Variants in MTNR1B observed in about 807,000 individuals in gnomAD.
MTNR1B encodes melatonin receptor type 1B.
MTNR1B carries 7 observed loss-of-function variants against 7.0 expected under a neutral mutation model. That is an observed-to-expected ratio of 1.00 (90% confidence interval 0.57 to 1.88). The LOEUF is 1.88. Among genes scored for constraint, MTNR1B ranks in the 40% most tolerant of loss-of-function variants. The probability of loss-of-function intolerance (pLI) is 0.00; values close to 1 mark genes in which losing one functional copy is unlikely to be tolerated. For missense variants in MTNR1B, 478 were observed against 486.5 expected (o/e 0.98, Z 0.16); for synonymous variants, 226 against 208.2 (o/e 1.09, Z -0.74).
intron 1 of MTNR1B, among the ~76,000 whole-genome samples, chr11:92,979,833 G>A (rs765333571): frequency 2.0e-5 from 3 of 152,122 alleles, no homozygotes; most frequent in Non-Finnish European, 4.4e-5. Flanking sequence ...ATCCCCATTC[G>A]GACCATGCTA....
chr11:92,971,794 T>A (rs1437270834), intron 1 of MTNR1B, among the ~76,000 whole-genome samples: 3 of 152,172 alleles, frequency 2.0e-5, no homozygotes. Flanking sequence ...TCTGTGATCC[T>A]GGCAGGGTCT....
chr11:92,981,096 G>A (rs572154112), intron 1 of MTNR1B, among the ~76,000 whole-genome samples: 1 of 152,270 alleles, frequency 6.6e-6, no homozygotes, highest in South Asian at 2.1e-4. Flanking sequence ...AGCTTAAATG[G>A]TGCAAAGCCC....
chr11:92,970,109 G>C (rs538347580), intron 1 of MTNR1B, among the ~76,000 whole-genome samples, 161 bp downstream of exon 1: 4 of 152,336 alleles, frequency 2.6e-5, no homozygotes, highest in African/African-American at 7.2e-5. Context: ...GCACTCAAAA[G>C]TTAGGGTGAG....
rs370131617 is a variant in MTNR1B at position 92,981,599 on chromosome 11, G to A, written c.376G>A (p.Gly126Ser). Residue 126 changes from glycine (G) to serine (S), a missense_variant, in exon 2 of 2, where the codon GGC becomes AGC. Gly to Ser is a moderately conservative substitution (Grantham distance 56). Transcript: ENST00000257068. ...CTTTGTGATGGGCCTGAGCGTCATC[G>A]GCTCTGTCTTCAATATCACTGCCAT... ...SAFVMGLSVI[G>S]SVFNITAIAI... 1.2e-5 allele frequency: 19 copies of A among 1,614,104 alleles called. No individual in the cohort carries two copies. The highest frequency in any genetic ancestry group is 4.0e-5 in the African/African-American group (3 of 74,994).
chr11:92,977,586 C>T (rs1182252412), intron 1 of MTNR1B, among the ~76,000 whole-genome samples: 1 of 152,142 alleles, frequency 6.6e-6, no homozygotes, highest in African/African-American at 2.4e-5. Flanking sequence ...TCGTGCCTGA[C>T]CAACCCCATA....
chr11:92,983,744 G>A (rs1321703652), downstream of MTNR1B, among the ~76,000 whole-genome samples: 2 of 152,152 alleles, frequency 1.3e-5, no homozygotes, highest in Non-Finnish European at 1.5e-5. Context: ...TGTGGGCCAG[G>A]ACTGGTTTGT....
rs1041165235 is a variant in MTNR1B, at chr11:92,982,438, G to A, written c.*126G>A. 11 of 1,196,642 alleles carry A rather than the reference G, an allele frequency of 9.2e-6. No homozygotes were observed. The African/African-American group carries it at 1.5e-4, about 17-fold the overall frequency. The allele number at this position is 1,196,642 out of a possible 1,614,324, so 74.1% of individuals were successfully genotyped here. A position where few individuals can be genotyped will look rare whatever the true frequency, so the allele number is the denominator to read the frequency against. On this transcript the variant is annotated 3_prime_UTR_variant, in exon 2 of 2. Transcript: ENST00000257068. ...CTGTTGGCATCACAGCCCCAAGGCT[G>A]GGGGAACTTCATGCTGGGACAAGCA...
At chr11:92,977,327 A>G (rs778974871) in intron 1 of MTNR1B, among the ~76,000 whole-genome samples, 20 of 152,254 alleles carry the variant, frequency 1.3e-4, no homozygotes, top group Non-Finnish European at 2.6e-4. Flanking sequence ...GAATCTAATT[A>G]CAAGCTTACA....
In MTNR1B at chr11:92,969,775, C is replaced by A; in HGVS notation, c.50C>A (p.Ala17Glu). Residue 17 changes from alanine (A) to glutamate (E), a missense_variant, in exon 1 of 2, where the codon GCA (alanine) becomes GAA (glutamate). Ala to Glu is a moderately radical substitution (Grantham distance 107). Coordinates refer to ENST00000257068, the MANE Select transcript of MTNR1B (RefSeq NM_005959.5). Reference sequence around the variant, plus strand: ...AACTGCTGCGAGGCGGGCGGGTGGGCAGTGCGCCCGGGCTGGTCGGGGGCT... The same window carrying A: ...AACTGCTGCGAGGCGGGCGGGTGGGAAGTGCGCCCGGGCTGGTCGGGGGCT... Reference protein sequence around the residue: ...FANCCEAGGWAVRPGWSGAGS... With the variant: ...FANCCEAGGWEVRPGWSGAGS... The A allele has an allele frequency of 6.5e-7, 1 of 1,533,464 alleles. No homozygotes were observed. Among genetic ancestry groups the A allele is most frequent in the Non-Finnish European group, 8.8e-7 (1 of 1,139,836 alleles). 95.0% of individuals were successfully genotyped at this position (1,533,464 alleles called of 1,614,324 possible).
At chr11:92,980,828 G>A (rs1229316977) in intron 1 of MTNR1B, among the ~76,000 whole-genome samples, 1 of 152,202 alleles carries the variant, frequency 6.6e-6, no homozygotes, top group Non-Finnish European at 1.5e-5. Context: ...CCCAGACAGG[G>A]CACAAATGGG....
At position 92,982,436 on chromosome 11, in the gene MTNR1B, C is replaced by A; in HGVS notation, c.*124C>A. ...TCCTGTTGGCATCACAGCCCCAAGG[C>A]TGGGGGAACTTCATGCTGGGACAAG... On this transcript the variant is annotated 3_prime_UTR_variant, in exon 2 of 2. Coordinates refer to ENST00000257068, the MANE Select transcript of MTNR1B (RefSeq NM_005959.5). 8.3e-7 allele frequency: 1 copy of A among 1,201,344 alleles called. No individual in the cohort carries two copies. Among genetic ancestry groups the A allele is most frequent in the Non-Finnish European group, 1.1e-6 (1 of 879,658 alleles). 74.4% of individuals were successfully genotyped at this position (1,201,344 alleles called of 1,614,324 possible).
chr11:92,981,755 G>A lies in MTNR1B; in HGVS notation c.532G>A (p.Val178Met). The A allele has an allele frequency of 6.2e-7, 1 of 1,614,180 alleles. No individual in the cohort carries two copies. Among genetic ancestry groups the A allele is most frequent in the Non-Finnish European group, 8.5e-7 (1 of 1,180,046 alleles). ...GGTGGCCTTGCTGCCCAACTTCTTTGTGGGGTCCCTGGAGTACGACCCACG... is the reference window on the plus strand; with the variant it reads ...GGTGGCCTTGCTGCCCAACTTCTTTATGGGGTCCCTGGAGTACGACCCACG... Reference protein sequence around the residue: ...TVVALLPNFFVGSLEYDPRIY... With the variant: ...TVVALLPNFFMGSLEYDPRIY... The change falls in exon 2 of 2, where the codon GTG becomes ATG. Residue 178 changes from valine to methionine, a missense_variant. By Grantham distance (21) the Val-to-Met change is conservative. Coordinates refer to ENST00000257068, the MANE Select transcript of MTNR1B (RefSeq NM_005959.5).
Position 92,981,986 on chromosome 11 carries a change from G to T in MTNR1B, c.763G>T (p.Val255Leu), listed in dbSNP as rs1180050092. The T allele has an allele frequency of 6.2e-7, 1 of 1,614,112 alleles. No homozygotes were observed. The highest frequency in any genetic ancestry group is 8.5e-7 in the Non-Finnish European group (1 of 1,180,048). The change falls in exon 2 of 2, where the codon GTG becomes TTG. Residue 255 changes from valine (V) to leucine (L), a missense_variant. Physicochemically the swap from Val to Leu is conservative, Grantham distance 32 (BLOSUM62 1). Coordinates refer to ENST00000257068, the MANE Select transcript of MTNR1B (RefSeq NM_005959.5). ...CTTGCGGAGCTTTCTAACCATGTTT[G>T]TGGTGTTTGTGATCTTTGCCATCTG... ...SDLRSFLTMFVVFVIFAICWA... is the reference protein window; with the variant it reads ...SDLRSFLTMFLVFVIFAICWA...
intron 1 of MTNR1B, among the ~76,000 whole-genome samples, chr11:92,974,094 A>G (rs1288554206): frequency 3.9e-5 from 6 of 152,238 alleles, no homozygotes; most frequent in Admixed American, 1.3e-4. Flanking sequence ...GTTTCCAGCC[A>G]TGCCATGGTT....
downstream of MTNR1B, among the ~76,000 whole-genome samples, chr11:92,984,047 T>C (rs1858160847): frequency 6.6e-6 from 1 of 152,172 alleles, no homozygotes; most frequent in Non-Finnish European, 1.5e-5. Flanking sequence ...CACCTCGGAA[T>C]ATGTGGCAGG....
rs1403120194 is a variant in MTNR1B, at chr11:92,981,818, C to A, written c.595C>A (p.Gln199Lys). Residue 199 changes from glutamine to lysine, a missense_variant, in exon 2 of 2, where the codon CAG (glutamine) becomes AAG (lysine). By Grantham distance (53) the Gln-to-Lys change is moderately conservative (BLOSUM62 1). Coordinates refer to ENST00000257068, the MANE Select transcript of MTNR1B (RefSeq NM_005959.5). ...SCTFIQTAST[Q>K]YTAAVVVIHF... ...CACCTTCATCCAGACCGCCAGCACC[C>A]AGTACACGGCGGCAGTGGTGGTCAT... 2 of 1,614,220 alleles carry A rather than the reference C, an allele frequency of 1.2e-6. No homozygotes were observed. Among genetic ancestry groups the A allele is most frequent in the Non-Finnish European group, 1.7e-6 (2 of 1,180,048 alleles).
In MTNR1B at chr11:92,981,805, G is replaced by A. The variant is rs1248901417; in HGVS notation, c.582G>A (p.Gln194=). The change falls in exon 2 of 2, where the codon CAG becomes CAA. Residue 194 remains glutamine, a synonymous_variant. Coordinates refer to ENST00000257068, the MANE Select transcript of MTNR1B (RefSeq NM_005959.5). The part of the protein sequence containing the change: ...DPRIYSCTFI[Q]TASTQYTAAV... ...GCATCTATTCCTGCACCTTCATCCA[G>A]ACCGCCAGCACCCAGTACACGGCGG... is the stretch of plus-strand genomic sequence containing the variant. 1 of 1,614,118 alleles carries A rather than the reference G, an allele frequency of 6.2e-7. No homozygotes were observed.
At chr11:92,980,993 G>A (rs1384876593) in intron 1 of MTNR1B, among the ~76,000 whole-genome samples, 2 of 152,188 alleles carry the variant, frequency 1.3e-5, no homozygotes, top group Non-Finnish European at 1.5e-5. Context: ...AGAGAGATGT[G>A]CGAGGAGGTG....
intron 1 of MTNR1B, among the ~76,000 whole-genome samples, chr11:92,978,646 G>A (rs757395828): frequency 7.9e-5 from 12 of 152,216 alleles, no homozygotes; most frequent in Non-Finnish European, 1.8e-4. Context: ...TTGGAATTGT[G>A]CCAAGAAAGC....
Sources: gnomAD v4.1 joint callset for allele counts (sites outside exome capture counted in the v4.1 genomes callset) on GRCh38, gnomAD v4.1.1 for gene constraint, MANE v1.5 for transcripts, NCBI Gene and HGNC (gene_info 2026-07-23, HGNC 2026-07-21) for gene names.